The following FAHD2A variants were observed in gnomAD, a reference collection of about 807,000 sequenced individuals.
FAHD2A encodes the protein oxaloacetate tautomerase FAHD2A, mitochondrial.
FAHD2A carries 27 observed loss-of-function variants against 33.4 expected under a neutral mutation model. The observed-to-expected ratio is 0.81, with a 90% CI of 0.60 to 1.11. The LOEUF (loss-of-function observed/expected upper bound fraction) is 1.11. FAHD2A is among the 50% of genes most tolerant of loss of function. The probability of loss-of-function intolerance (pLI) is 0.00; values close to 1 mark genes in which losing one functional copy is unlikely to be tolerated. For synonymous variants in FAHD2A, 130 were observed against 153.3 expected, an observed-to-expected ratio of 0.85 and a Z score of 1.12; for missense variants, 296 against 395.0, an observed-to-expected ratio of 0.75 and a Z score of 2.12.
Position 95,412,731 on chromosome 2 carries a change from C to T in FAHD2A, c.849C>T (p.Val283=), listed in dbSNP as rs572805523. Residue 283 remains valine, a synonymous_variant, in exon 7 of 8, where the codon GTC becomes GTT. Coordinates refer to ENST00000233379, the MANE Select transcript of FAHD2A (RefSeq NM_016044.3). The part of the protein sequence containing the change: ...DVILTGTPPG[V]GVFRKPPVFL... ...TCCTAACTGGGACCCCCCCAGGTGT[C>T]GGTGTATTCAGGAAACCTCCTGTCT... 3.7e-5 allele frequency: 60 copies of T among 1,614,106 alleles called. No homozygotes were observed. The East Asian group carries it at 1.1e-3, about 30-fold the overall frequency.
At position 95,406,963 on chromosome 2, in the gene FAHD2A, G is replaced by C. The variant is rs371361245; in HGVS notation, c.268G>C (p.Val90Leu). Residue 90 changes from valine (V) to leucine (L), a missense_variant, in exon 3 of 8, where the codon GTC becomes CTC. Transcript: ENST00000233379. ...ARRALAAQLP[V>L]LPRSEVTFLA... ...CAGAGCCCTGGCTGCCCAGTTGCCA[G>C]TCCTACCACGGTCGGAGGTAACCTT... is the stretch of plus-strand genomic sequence containing the variant. The C allele has an allele frequency of 3.1e-5, 50 of 1,613,628 alleles. No homozygotes were observed. Among genetic ancestry groups the C allele is most frequent in the Non-Finnish European group, 3.9e-5 (46 of 1,179,770 alleles).
chr2:95,417,867 G>A (rs1409566359), downstream of FAHD2A, among the ~76,000 whole-genome samples: 4 of 152,152 alleles, frequency 2.6e-5, no homozygotes, highest in Admixed American at 1.3e-4. Flanking sequence ...CCTCCCAAAG[G>A]CCCCATCTCC....
At position 95,416,386 on chromosome 2, in the gene FAHD2A, TC is replaced by T. The variant is rs1426741982; in HGVS notation, c.*3433del. ...GACCTAGATATTGGGTACATGGAGG[TC>T]CCCGGTCCCTTTGTGATTCCTGCAG... On this transcript the variant is annotated 3_prime_UTR_variant, in exon 8 of 8. Coordinates refer to ENST00000233379, the MANE Select transcript of FAHD2A (RefSeq NM_016044.3). The T allele has an allele frequency of 2.6e-5, 4 of 151,912 alleles. No individual in the cohort carries two copies. Among genetic ancestry groups the T allele is most frequent in the Non-Finnish European group, 5.9e-5 (4 of 68,000 alleles). 9.4% of individuals were successfully genotyped at this position (151,912 alleles called of 1,614,324 possible).
intron 1 of FAHD2A, 179 bp from the exon 2 acceptor site, chr2:95,405,374 G>C (rs1390379651): frequency 1.9e-5 from 16 of 863,976 alleles, no homozygotes; most frequent in South Asian, 2.3e-5. Context: ...TGCTCCTCTA[G>C]AAAAGTTTCA....
At chr2:95,410,759 G>T (rs111903763) in intron 4 of FAHD2A, 105 bp from the exon 5 acceptor site, 1 of 1,567,308 alleles carries the variant, frequency 6.4e-7, no homozygotes. Context: ...CCTTTGGCTG[G>T]CTCTGGCTAC....
intron 1 of FAHD2A, among the ~76,000 whole-genome samples, chr2:95,403,248 A>G (rs1421648230): frequency 1.3e-5 from 2 of 152,054 alleles, no homozygotes; most frequent in African/African-American, 4.8e-5. Context: ...TCTGACTAGT[A>G]CCTTGGGCAC....
At chr2:95,407,350 G>C (rs531490765) in intron 3 of FAHD2A, 193 bp downstream of exon 3, 30 of 737,528 alleles carry the variant, frequency 4.1e-5, no homozygotes, top group Non-Finnish European at 6.6e-5. Flanking sequence ...GGTTACAAAA[G>C]CAATGCACCT....
Position 95,414,171 on chromosome 2 carries a change from C to T in FAHD2A, c.*1214C>T. On this transcript the variant is annotated 3_prime_UTR_variant, in exon 8 of 8. Transcript: ENST00000233379. ...GCCCGCCTTCCTAGAGTTGGGTTGTCACTGTCCGGCAGGGGGCAGCAGCCA... is the reference window on the plus strand; with the variant it reads ...GCCCGCCTTCCTAGAGTTGGGTTGTTACTGTCCGGCAGGGGGCAGCAGCCA... 1 of 1,572,574 alleles carries T rather than the reference C, an allele frequency of 6.4e-7. No individual in the cohort carries two copies. Among genetic ancestry groups the T allele is most frequent in the South Asian group, 1.2e-5 (1 of 86,106 alleles).
chr2:95,420,761 A>G (rs1187099212), downstream of FAHD2A, among the ~76,000 whole-genome samples: 5 of 152,066 alleles, frequency 3.3e-5, no homozygotes, highest in East Asian at 3.9e-4. Flanking sequence ...CAAGTAAACT[A>G]TGGGAAAGGA....
intron 2 of FAHD2A, among the ~76,000 whole-genome samples, chr2:95,406,700 A>G (rs925146327): frequency 3.3e-5 from 5 of 152,192 alleles, no homozygotes; most frequent in African/African-American, 1.2e-4. Flanking sequence ...TCCAGTTTGT[A>G]TCTTTTACAT....
downstream of FAHD2A, among the ~76,000 whole-genome samples, chr2:95,418,000 G>A (rs996171222): frequency 2.0e-5 from 3 of 152,060 alleles, no homozygotes; most frequent in African/African-American, 7.3e-5. Context: ...GCTGCTTTGA[G>A]TATCTCAGAC....
chr2:95,417,180 A>G (rs1478557817), downstream of FAHD2A, among the ~76,000 whole-genome samples: 1 of 152,250 alleles, frequency 6.6e-6, no homozygotes, highest in Non-Finnish European at 1.5e-5. Context: ...TTAATGTCTC[A>G]GAACATCTGC....
rs1205221255 is a variant in FAHD2A, at chr2:95,416,149, G to A, written c.*3192G>A. ...AGGACATGTGGCCTCAGGAAGCCTG[G>A]GTGTGTATCCTGGTTCTGCTAGGAA... On this transcript the variant is annotated 3_prime_UTR_variant, in exon 8 of 8. Transcript: ENST00000233379. 1.3e-5 allele frequency: 2 copies of A among 152,174 alleles called. No individual in the cohort carries two copies. The highest frequency in any genetic ancestry group is 4.8e-5 in the African/African-American group (2 of 41,406). 9.4% of individuals were successfully genotyped at this position (152,174 alleles called of 1,614,324 possible).
chr2:95,408,035 AT>A (rs11377714), intron 3 of FAHD2A, among the ~76,000 whole-genome samples: 3,831 of 94,568 alleles, frequency 0.041, 39 homozygotes, highest in East Asian at 0.1. Context: ...GCAAACACAC[AT>A]TTTTTTTTTT....
intron 1 of FAHD2A, among the ~76,000 whole-genome samples, chr2:95,403,636 T>C (rs1352013792): frequency 2.0e-5 from 3 of 152,238 alleles, no homozygotes; most frequent in Admixed American, 1.3e-4. Context: ...GCTGGATTTT[T>C]TTGCTTGCAT....
chr2:95,412,332 C>T (rs1231121890), intron 5 of FAHD2A, 102 bp from the exon 6 acceptor site: 5 of 1,412,234 alleles, frequency 3.5e-6, no homozygotes, highest in Admixed American at 3.8e-5. Context: ...GAAGCCCTTT[C>T]ACCTGCCAAG....
intron 5 of FAHD2A, among the ~76,000 whole-genome samples, chr2:95,411,594 C>A (rs970683399): frequency 2.6e-5 from 4 of 152,212 alleles, no homozygotes; most frequent in Non-Finnish European, 5.9e-5. Flanking sequence ...GCCTCAGCAC[C>A]CCATGCAGAG....
chr2:95,410,695 C>T, intron 4 of FAHD2A, 109 bp downstream of exon 4: 1 of 1,554,812 alleles, frequency 6.4e-7, no homozygotes, highest in Non-Finnish European at 8.7e-7. Context: ...CTGTCCCTGA[C>T]ACTAGGAAGC....
intron 3 of FAHD2A, among the ~76,000 whole-genome samples, chr2:95,409,908 C>T (rs1426203443): frequency 6.6e-6 from 1 of 152,206 alleles, no homozygotes; most frequent in East Asian, 1.9e-4. Context: ...CCCCAAGGAA[C>T]CCAGTGCTCC....
Sources: gnomAD v4.1 joint callset for allele counts (sites outside exome capture counted in the v4.1 genomes callset) on GRCh38, gnomAD v4.1.1 for gene constraint, MANE v1.5 for transcripts, NCBI Gene and HGNC (gene_info 2026-07-23, HGNC 2026-07-21) for gene names.